The following MBTPS2 variants were observed in gnomAD, a reference collection of about 807,000 sequenced individuals.
MBTPS2 encodes membrane bound transcription factor peptidase, site 2.
MBTPS2 carries 2 observed loss-of-function variants against 35.4 expected under a neutral mutation model. The observed-to-expected ratio is 0.06, with a 90% CI of 0.02 to 0.18. The LOEUF (loss-of-function observed/expected upper bound fraction) is 0.18. Ranked by LOEUF, MBTPS2 falls within the 10% of genes least tolerant of loss-of-function variation. MBTPS2 has a pLI of 1.00. For synonymous variants in MBTPS2, 125 were observed against 140.4 expected (o/e 0.89, Z 0.77); for missense variants, 244 against 386.5 (o/e 0.63, Z 3.09).
intron 5 of MBTPS2, among the ~76,000 whole-genome samples, chrX:21,863,263 C>CAA (rs58548977): frequency 1.7e-5 from 1 of 57,524 alleles, no homozygotes; most frequent in African/African-American, 6.1e-5. Flanking sequence ...GAGACTGTCT[C>CAA]AAAAAAAAAA....
intron 2 of MBTPS2, among the ~76,000 whole-genome samples, chrX:21,843,839 G>A (rs1440712805): frequency 9.0e-6 from 1 of 111,323 alleles, no homozygotes; most frequent in African/African-American, 3.3e-5. Flanking sequence ...ATTGGGCCGG[G>A]CGCAGTGGTT....
Position 21,878,153 on chromosome X carries a change from G to A in MBTPS2, c.1065+17G>A. 1 of 1,109,297 alleles carries A rather than the reference G, an allele frequency of 9.0e-7. No homozygotes were observed. Among genetic ancestry groups the A allele is most frequent in the Non-Finnish European group, 1.2e-6 (1 of 802,467 alleles). The allele number at this position is 1,109,297 out of a possible 1,213,427, so 91.4% of individuals were successfully genotyped here. A position where few individuals can be genotyped will look rare whatever the true frequency, so the allele number is the denominator to read the frequency against. ...AAGCGTTTGGTAAGTTGTCCCTGAAGCAGTCTTGCTTGTCTGATATAATTA... is the reference window on the plus strand; with the variant it reads ...AAGCGTTTGGTAAGTTGTCCCTGAAACAGTCTTGCTTGTCTGATATAATTA... On this transcript the variant is annotated intron_variant, in intron 8 of 10. Transcript: ENST00000379484.
intron 3 of MBTPS2, among the ~76,000 whole-genome samples, chrX:21,846,800 G>A (rs761971139): frequency 3.6e-5 from 4 of 112,137 alleles, no homozygotes; most frequent in African/African-American, 1.3e-4. Context: ...GATAGTGCAG[G>A]ATATAAGGTG....
chrX:21,849,244 A>G (rs1458394446), intron 3 of MBTPS2, among the ~76,000 whole-genome samples: 2 of 112,329 alleles, frequency 1.8e-5, no homozygotes, highest in African/African-American at 6.5e-5. Flanking sequence ...TAAAAGGCAA[A>G]CAAACTGTGG....
chrX:21,878,312 GATA>G (rs1418806980), intron 8 of MBTPS2, among the ~76,000 whole-genome samples, 176 bp downstream of exon 8: 1 of 111,689 alleles, frequency 9.0e-6, no homozygotes, highest in Non-Finnish European at 1.9e-5. Context: ...AATTTATAGT[GATA>G]ATATCTTATT....
At chrX:21,841,502 T>C (rs1248131134) in intron 1 of MBTPS2, among the ~76,000 whole-genome samples, 1 of 109,389 alleles carries the variant, frequency 9.1e-6, no homozygotes, top group Non-Finnish European at 1.9e-5. Context: ...GATTTTGTTG[T>C]TTGAAAAAGC....
intron 3 of MBTPS2, among the ~76,000 whole-genome samples, chrX:21,846,447 C>T (rs933674433): frequency 1.1e-4 from 12 of 111,957 alleles, no homozygotes; most frequent in Non-Finnish European, 1.9e-4. Context: ...CTCAGCTCAC[C>T]ACAACCTCCG....
At chrX:21,846,160 T>G (rs1373908638) in intron 3 of MBTPS2, among the ~76,000 whole-genome samples, 1 of 111,152 alleles carries the variant, frequency 9.0e-6, no homozygotes. Context: ...CCTATGGCCA[T>G]AGCTCTTTTT....
intron 5 of MBTPS2, among the ~76,000 whole-genome samples, chrX:21,867,019 A>G (rs1385828887): frequency 2.0e-4 from 16 of 78,911 alleles, no homozygotes; most frequent in African/African-American, 8.1e-4. Flanking sequence ...TCTGTCTCAA[A>G]AAAAAAAAAA....
At chrX:21,877,629 C>A (rs1032875187) in intron 7 of MBTPS2, among the ~76,000 whole-genome samples, 2 of 111,495 alleles carry the variant, frequency 1.8e-5, no homozygotes, top group Non-Finnish European at 3.8e-5. Context: ...ATGTCTTAGG[C>A]AACCTCTGGC....
Position 21,839,646 on chromosome X carries a change from G to A in MBTPS2, c.-89G>A. ...GTAGCTTGGTTCCTGAGCGGATGCT[G>A]GGGCTGTAAGGCGCGCGCGGTCAGC... is the stretch of plus-strand genomic sequence containing the variant. On this transcript the variant is annotated 5_prime_UTR_variant, in exon 1 of 11. Coordinates refer to ENST00000379484, the MANE Select transcript of MBTPS2 (RefSeq NM_015884.4). The A allele has an allele frequency of 1.0e-6, 1 of 963,074 alleles. No individual in the cohort carries two copies. Among genetic ancestry groups the A allele is most frequent in the East Asian group, 3.4e-5 (1 of 29,789 alleles). The allele number at this position is 963,074 out of a possible 1,213,427, so 79.4% of individuals were successfully genotyped here. A position where few individuals can be genotyped will look rare whatever the true frequency, so the allele number is the denominator to read the frequency against.
At chrX:21,861,660 C>T (rs1569325324) in intron 5 of MBTPS2, among the ~76,000 whole-genome samples, 2 of 109,689 alleles carry the variant, frequency 1.8e-5, no homozygotes, top group Non-Finnish European at 1.9e-5. Context: ...GATCACAGCA[C>T]TGCACTCCAA....
chrX:21,844,155 G>A (rs1489147267), intron 2 of MBTPS2, among the ~76,000 whole-genome samples: 1 of 101,550 alleles, frequency 9.8e-6, no homozygotes, highest in Admixed American at 1.1e-4. Context: ...TAAATAAATA[G>A]AAAATATTAA....
At chrX:21,852,760 T>C (rs1330942040) in intron 4 of MBTPS2, among the ~76,000 whole-genome samples, 2 of 110,659 alleles carry the variant, frequency 1.8e-5, no homozygotes. Flanking sequence ...GAGACTTAAA[T>C]ATTAATTTTT....
At chrX:21,880,360 G>T (rs909226097) in intron 9 of MBTPS2, among the ~76,000 whole-genome samples, 5 of 111,554 alleles carry the variant, frequency 4.5e-5, no homozygotes, top group African/African-American at 1.6e-4. Context: ...ACTGTAGACT[G>T]TAACTATGAA....
At chrX:21,841,043 G>A (rs1465873719) in intron 1 of MBTPS2, among the ~76,000 whole-genome samples, 1 of 111,763 alleles carries the variant, frequency 8.9e-6, no homozygotes, top group African/African-American at 3.3e-5. Context: ...CAGAATCCCA[G>A]GCCTCACCCC....
chrX:21,843,956 A>AAT (rs1005768603), intron 2 of MBTPS2, among the ~76,000 whole-genome samples: 3 of 107,594 alleles, frequency 2.8e-5, no homozygotes, highest in African/African-American at 6.8e-5. Flanking sequence ...CTCTACTAAA[A>AAT]ATACAAAAAT....
intron 5 of MBTPS2, chrX:21,856,160 C>T (rs1456397876): frequency 3.9e-6 from 1 of 258,375 alleles, no homozygotes; most frequent in East Asian, 6.3e-5. Context: ...CGCAGGGTGG[C>T]AAACGTACGC....
At chrX:21,866,193 A>C (rs1285406150) in intron 5 of MBTPS2, among the ~76,000 whole-genome samples, 1 of 111,343 alleles carries the variant, frequency 9.0e-6, no homozygotes, top group East Asian at 2.8e-4. Flanking sequence ...ACCAGAATAA[A>C]ATTGATCCTC....
Sources: allele counts gnomAD v4.1 joint callset (sites outside exome capture counted in the v4.1 genomes callset), GRCh38; gene constraint gnomAD v4.1.1; transcripts MANE v1.5; gene names NCBI Gene and HGNC (gene_info 2026-07-23, HGNC 2026-07-21).